The following HNF4G variants were observed in gnomAD, a reference collection of about 807,000 sequenced individuals.
HNF4G encodes hepatocyte nuclear factor 4 gamma, also known as hepatocyte nuclear factor 4-gamma.
In HNF4G, 21 loss-of-function variants were observed where a neutral mutation model predicts 50.9. The ratio of observed to expected loss-of-function variants is 0.41; its 90% CI spans 0.29 to 0.59. The LOEUF is 0.59. Among genes scored for constraint, HNF4G ranks in the 20% least tolerant of loss-of-function variants. The pLI, the probability that HNF4G is intolerant of heterozygous loss-of-function variation, is 0.26. For synonymous variants in HNF4G, 198 were observed against 185.6 expected, an observed-to-expected ratio of 1.07 and a Z score of -0.54; for missense variants, 527 against 559.4, an observed-to-expected ratio of 0.94 and a Z score of 0.58.
rs556993972 is a variant in HNF4G, at chr8:75,472,968, G to C, written c.-143-17121G>C. ...ATCAGAGTGTTTAAACAATGGGCTG[G>C]TCTTCATTGTTGGGCAATGAAATAT... is the stretch of plus-strand genomic sequence containing the variant. On this transcript the variant is annotated intron_variant, in intron 1 of 10. Coordinates refer to the HNF4G transcript ENST00000354370. 2.0e-4 allele frequency among the ~76,000 whole-genome samples: 31 copies of C among 152,266 alleles called. No homozygotes were observed. In the South Asian group the frequency reaches 4.8e-3, roughly 23 times the overall value.
intron 1 of HNF4G, among the ~76,000 whole-genome samples, chr8:75,423,922 C>T (rs190170605): frequency 8.3e-5 from 11 of 132,024 alleles, no homozygotes; most frequent in Non-Finnish European, 1.5e-4. Flanking sequence ...TTCCCGGGTT[C>T]AAGCAATTCT....
chr8:75,548,639 A>C (rs1806859219), intron 3 of HNF4G, among the ~76,000 whole-genome samples: 1 of 152,212 alleles, frequency 6.6e-6, no homozygotes, highest in South Asian at 2.1e-4. Context: ...CACATTGTAA[A>C]CATGTGACAG....
At chr8:75,559,974 C>T (rs1375156128) in intron 8 of HNF4G, among the ~76,000 whole-genome samples, 2 of 151,930 alleles carry the variant, frequency 1.3e-5, no homozygotes, top group African/African-American at 2.4e-5. Context: ...TAATTTGTTC[C>T]TAATGATATC....
chr8:75,443,039 GGA>G (rs751690522), intron 1 of HNF4G, among the ~76,000 whole-genome samples: 4 of 152,148 alleles, frequency 2.6e-5, no homozygotes, highest in Admixed American at 2.0e-4. Context: ...GGGGCCTTTA[GGA>G]GGTGATTAAG....
chr8:75,504,216 G>C (rs891003709), intron 2 of HNF4G, among the ~76,000 whole-genome samples: 1 of 138,378 alleles, frequency 7.2e-6, no homozygotes, highest in South Asian at 2.3e-4. Flanking sequence ...GTAAGACTTT[G>C]TCCAAAGCAC....
Position 75,566,756 on chromosome 8 carries a change from G to A in HNF4G, c.*2660G>A, listed in dbSNP as rs11774375. The A allele has an allele frequency of 0.07, 10,711 of 151,952 alleles. 528 individuals carry two copies. Among genetic ancestry groups the A allele is most frequent in the African/African-American group, 0.13 (5,290 of 41,330 alleles). 9.4% of individuals were successfully genotyped at this position (151,952 alleles called of 1,614,324 possible). A position where few individuals can be genotyped will look rare whatever the true frequency, so the allele number is the denominator to read the frequency against. ...AGATTTTTTACCATGTTAAATTATAGTGAGATTAAAGTATTACTAAACTGT... is the reference window on the plus strand; with the variant it reads ...AGATTTTTTACCATGTTAAATTATAATGAGATTAAAGTATTACTAAACTGT... On this transcript the variant is annotated 3_prime_UTR_variant, in exon 10 of 10. Coordinates refer to ENST00000396423, the MANE Select transcript of HNF4G (RefSeq NM_004133.5).
chr8:75,536,569 GA>G (rs536855969), upstream of HNF4G, among the ~76,000 whole-genome samples: 32 of 152,052 alleles, frequency 2.1e-4, no homozygotes, highest in South Asian at 5.8e-3. Context: ...TCCCCTTGCT[GA>G]AAATAACTGA....
At chr8:75,413,328 A>AGGGAG (rs1413874696) in intron 1 of HNF4G, among the ~76,000 whole-genome samples, 1 of 26,544 alleles carries the variant, frequency 3.8e-5, no homozygotes, top group Non-Finnish European at 7.0e-5. Context: ...GGGGAGGGGA[A>AGGGAG]GGGAGGGGAG....
intron 1 of HNF4G, among the ~76,000 whole-genome samples, chr8:75,420,504 A>G (rs1585826960): frequency 6.6e-6 from 1 of 152,208 alleles, no homozygotes. Context: ...TTTTAGTCAC[A>G]TCTGAGTTTT....
At chr8:75,520,160 C>G (rs1288104806) in intron 2 of HNF4G, among the ~76,000 whole-genome samples, 1 of 151,824 alleles carries the variant, frequency 6.6e-6, no homozygotes, top group East Asian at 1.9e-4. Context: ...TCTCTATAAA[C>G]CATTGTAAAA....
At chr8:75,508,733 G>A (rs2130720966) in intron 2 of HNF4G, among the ~76,000 whole-genome samples, 1 of 152,274 alleles carries the variant, frequency 6.6e-6, no homozygotes, top group Middle Eastern at 3.4e-3. Context: ...AAACACAGAG[G>A]CAAGAGAAAA....
intron 1 of HNF4G, among the ~76,000 whole-genome samples, chr8:75,463,714 G>A (rs1811904987): frequency 7.3e-6 from 1 of 136,092 alleles, no homozygotes; most frequent in African/African-American, 2.7e-5. Flanking sequence ...TGTCAAGTTT[G>A]TTTATATTTA....
chr8:75,448,498 A>AC (rs1299412243), intron 1 of HNF4G, among the ~76,000 whole-genome samples: 8 of 150,524 alleles, frequency 5.3e-5, no homozygotes, highest in African/African-American at 1.2e-4. Flanking sequence ...AAAAAAAAAA[A>AC]AAAACAAATA....
chr8:75,512,850 T>C (rs1260526074), intron 2 of HNF4G, among the ~76,000 whole-genome samples: 6 of 152,188 alleles, frequency 3.9e-5, no homozygotes, highest in Non-Finnish European at 8.8e-5. Flanking sequence ...TTACAATATA[T>C]TCGATTTTGT....
intron 1 of HNF4G, among the ~76,000 whole-genome samples, chr8:75,470,008 A>T (rs997515529): frequency 6.6e-6 from 1 of 152,106 alleles, no homozygotes; most frequent in South Asian, 2.1e-4. Flanking sequence ...TTCACCACTC[A>T]AACTACATGG....
At chr8:75,534,560 A>G (rs1806411316) in intron 2 of HNF4G, among the ~76,000 whole-genome samples, 1 of 151,886 alleles carries the variant, frequency 6.6e-6, no homozygotes, top group South Asian at 2.1e-4. Context: ...TATTTGTATA[A>G]CTAGTTTTAA....
intron 1 of HNF4G, among the ~76,000 whole-genome samples, chr8:75,417,352 C>T (rs942497046): frequency 1.3e-5 from 2 of 152,174 alleles, no homozygotes; most frequent in Admixed American, 6.5e-5. Context: ...AAATGCTTCA[C>T]ATATATTAAA....
At chr8:75,533,613 A>G (rs1227199466) in intron 2 of HNF4G, among the ~76,000 whole-genome samples, 1 of 151,864 alleles carries the variant, frequency 6.6e-6, no homozygotes, top group Non-Finnish European at 1.5e-5. Context: ...ATATTCTTGA[A>G]CCAAAAAAAA....
chr8:75,523,790 G>T (rs748552160), intron 2 of HNF4G, among the ~76,000 whole-genome samples: 5 of 151,792 alleles, frequency 3.3e-5, no homozygotes, highest in Non-Finnish European at 5.9e-5. Flanking sequence ...TGTCATTGCA[G>T]TAACACACTG....
Sources: allele counts gnomAD v4.1 joint callset (sites outside exome capture counted in the v4.1 genomes callset), GRCh38; gene constraint gnomAD v4.1.1; transcripts MANE v1.5; gene names NCBI Gene and HGNC (gene_info 2026-07-23, HGNC 2026-07-21).